Variants in CSMD1 observed in about 807,000 individuals in gnomAD.
CSMD1 encodes CUB and sushi domain-containing protein 1.
Under a neutral mutation model 417.5 loss-of-function variants are expected in CSMD1, and 213 were observed. That is an observed-to-expected ratio of 0.51 (90% CI 0.46 to 0.57). The LOEUF is 0.57. CSMD1 is among the 20% of genes least tolerant of loss of function. The pLI is 0.00. For missense variants in CSMD1, 6,923 were observed against 4,529.7 expected, an observed-to-expected ratio of 1.53 and a Z score of -15.17; for synonymous variants, 2,862 against 1,736.8, an observed-to-expected ratio of 1.65 and a Z score of -16.11.
chr8:3,330,130 C>T (rs1475536073), intron 23 of CSMD1, among the ~76,000 whole-genome samples: 1 of 152,096 alleles, frequency 6.6e-6, no homozygotes, highest in Non-Finnish European at 1.5e-5. Context: ...GCCCTGCAGA[C>T]AGAAATGTCA....
At chr8:4,944,400 T>G (rs1457594650) in intron 1 of CSMD1, among the ~76,000 whole-genome samples, 1 of 152,120 alleles carries the variant, frequency 6.6e-6, no homozygotes, top group Non-Finnish European at 1.5e-5. Flanking sequence ...ATTCAGATGG[T>G]TGTAGGAATT....
chr8:3,165,769 A>G (rs1585530974), intron 37 of CSMD1, among the ~76,000 whole-genome samples: 1 of 152,152 alleles, frequency 6.6e-6, no homozygotes, highest in Non-Finnish European at 1.5e-5. Flanking sequence ...TAGGCTTGAC[A>G]TACAGGACAG....
In CSMD1 at chr8:4,519,742, C is replaced by CAAAAAAAAAAAAAAAAAAAAAAAA. The variant is rs57747377; in HGVS notation, c.303-99701_303-99678dup. Among the ~76,000 whole-genome samples, 13 of 80,368 alleles carry CAAAAAAAAAAAAAAAAAAAAAAAA rather than the reference C, an allele frequency of 1.6e-4. 5 individuals are homozygous for CAAAAAAAAAAAAAAAAAAAAAAAA. Among genetic ancestry groups the CAAAAAAAAAAAAAAAAAAAAAAAA allele is most frequent in the African/African-American group, 3.7e-4 (7 of 19,122 alleles). The allele number at this position is 80,368 out of a possible 152,430, so 52.7% of individuals were successfully genotyped here. A position where few individuals can be genotyped will look rare whatever the true frequency, so the allele number is the denominator to read the frequency against. On this transcript the variant is annotated intron_variant, in intron 2 of 69. Coordinates refer to ENST00000635120, the MANE Select transcript of CSMD1 (RefSeq NM_033225.6). ...TAGGCAGCAGAGTCAGACTTCATCTCAAAAAAAAAAAAAAAAAAAAAAAAA... is the reference window on the plus strand; with the variant it reads ...TAGGCAGCAGAGTCAGACTTCATCTCAAAAAAAAAAAAAAAAAAAAAAAAAAAAAAAAAAAAAAAAAAAAAAAAA...
intron 1 of CSMD1, among the ~76,000 whole-genome samples, chr8:4,774,650 T>G (rs1166248655): frequency 6.6e-6 from 1 of 152,118 alleles, no homozygotes; most frequent in African/African-American, 2.4e-5. Context: ...CATGTTCAAT[T>G]GTAACCTCTA....
chr8:3,368,129 A>T (rs1403555258), intron 19 of CSMD1, among the ~76,000 whole-genome samples: 1 of 152,186 alleles, frequency 6.6e-6, no homozygotes, highest in Non-Finnish European at 1.5e-5. Context: ...TATTTTTATG[A>T]TTATAAAACT....
At chr8:3,196,982 T>A (rs1310973258) in intron 33 of CSMD1, among the ~76,000 whole-genome samples, 1 of 152,208 alleles carries the variant, frequency 6.6e-6, no homozygotes, top group Non-Finnish European at 1.5e-5. Context: ...CCCCATGATG[T>A]CACTCACACC....
intron 6 of CSMD1, among the ~76,000 whole-genome samples, chr8:3,714,755 C>G (rs1202782118): frequency 6.6e-6 from 1 of 151,232 alleles, no homozygotes; most frequent in Non-Finnish European, 1.5e-5. Flanking sequence ...AAAACAACAA[C>G]ACAAGAATTT....
chr8:3,098,128 A>AT (rs1815458464), intron 46 of CSMD1, among the ~76,000 whole-genome samples: 1 of 152,046 alleles, frequency 6.6e-6, no homozygotes, highest in Non-Finnish European at 1.5e-5. Flanking sequence ...TATTAAGGGA[A>AT]ATTTTTTTCT....
intron 3 of CSMD1, among the ~76,000 whole-genome samples, chr8:4,039,947 T>C (rs1332007023): frequency 4.6e-5 from 7 of 152,212 alleles, no homozygotes; most frequent in Admixed American, 2.6e-4. Flanking sequence ...GGGTTTATTA[T>C]AGAGAATTGT....
intron 12 of CSMD1, among the ~76,000 whole-genome samples, chr8:3,411,844 ATG>A (rs1812753563): frequency 1.0e-5 from 1 of 98,364 alleles, no homozygotes; most frequent in Non-Finnish European, 2.3e-5. Flanking sequence ...GCACGTATAT[ATG>A]CACGTATATA....
At chr8:3,713,366 G>T (rs990225561) in intron 6 of CSMD1, among the ~76,000 whole-genome samples, 6 of 152,056 alleles carry the variant, frequency 3.9e-5, no homozygotes, top group African/African-American at 1.2e-4. Context: ...TTTTAAAATG[G>T]CAATAATGTA....
chr8:4,167,419 G>T (rs546842577), intron 3 of CSMD1, among the ~76,000 whole-genome samples: 13 of 152,240 alleles, frequency 8.5e-5, no homozygotes, highest in Admixed American at 3.9e-4. Context: ...TCATGTAAAA[G>T]AAATGGTAAT....
intron 3 of CSMD1, among the ~76,000 whole-genome samples, chr8:4,333,354 A>T (rs962242571): frequency 6.6e-6 from 1 of 152,146 alleles, no homozygotes. Flanking sequence ...GGGCGAGCGC[A>T]GGGTTACTAG....
intron 3 of CSMD1, among the ~76,000 whole-genome samples, chr8:4,248,115 A>AC (rs1802822318): frequency 6.6e-6 from 1 of 151,838 alleles, no homozygotes. Context: ...TTTCCAGTTT[A>AC]TTTTTTTTAA....
At chr8:3,485,538 C>CACACACAGAGAGAG (rs376214281) in intron 11 of CSMD1, among the ~76,000 whole-genome samples, 9 of 134,922 alleles carry the variant, frequency 6.7e-5, no homozygotes, top group Non-Finnish European at 1.1e-4. Flanking sequence ...CACACACACA[C>CACACACAGAGAGAG]AGAGAGAGAG....
intron 1 of CSMD1, among the ~76,000 whole-genome samples, chr8:4,737,822 G>A (rs984516846): frequency 2.0e-5 from 3 of 152,182 alleles, no homozygotes; most frequent in Admixed American, 6.5e-5. Flanking sequence ...GTAATGGGCA[G>A]CATATGGTAG....
At chr8:3,001,955 TCTC>T (rs1807441311) in intron 52 of CSMD1, among the ~76,000 whole-genome samples, 1 of 152,190 alleles carries the variant, frequency 6.6e-6, no homozygotes, top group Admixed American at 6.5e-5. Flanking sequence ...AACATTGTGT[TCTC>T]CTATTTTGGA....
chr8:4,965,071 T>G (rs897986476), intron 1 of CSMD1, among the ~76,000 whole-genome samples: 6 of 152,204 alleles, frequency 3.9e-5, no homozygotes, highest in Admixed American at 3.9e-4. Context: ...TCAAAGCCTC[T>G]CAAAATCTCT....
At position 3,374,202 on chromosome 8, in the gene CSMD1, C is replaced by A. The variant is rs1417047952; in HGVS notation, c.2783-4832G>T. On this transcript the variant is annotated intron_variant, in intron 18 of 69. Transcript: ENST00000635120. ...CTCCTGACCTCAAGTCATCTACCTG[C>A]CCCGCCTCAGCCTCCCAATGTGCTG... 2.6e-5 allele frequency among the ~76,000 whole-genome samples: 4 copies of A among 152,044 alleles called. No homozygotes were observed. The East Asian group carries it at 7.7e-4, about 29-fold the overall frequency.
Sources: allele counts gnomAD v4.1 joint callset (sites outside exome capture counted in the v4.1 genomes callset), GRCh38; gene constraint gnomAD v4.1.1; transcripts MANE v1.5; gene names NCBI Gene and HGNC (gene_info 2026-07-23, HGNC 2026-07-21).